Variants in PLGRKT observed in about 807,000 individuals in gnomAD.
PLGRKT encodes plasminogen receptor with a C-terminal lysine, also known as plasminogen receptor (KT).
Under a neutral mutation model 18.5 loss-of-function variants are expected in PLGRKT, and 22 were observed. The ratio of observed to expected loss-of-function variants is 1.19; its 90% CI spans 0.85 to 1.70. PLGRKT has a LOEUF of 1.70. Ranked by LOEUF, PLGRKT falls within the 40% of genes most tolerant of loss-of-function variation. The probability of loss-of-function intolerance (pLI) is 0.00; values close to 1 mark genes in which losing one functional copy is unlikely to be tolerated. For missense variants in PLGRKT, 235 were observed against 174.4 expected, an observed-to-expected ratio of 1.35 and a Z score of -1.96; for synonymous variants, 72 against 52.8, an observed-to-expected ratio of 1.36 and a Z score of -1.58.
intron 2 of PLGRKT, 103 bp from the exon 3 acceptor site, chr9:5,432,086 A>AG (rs1818838840): frequency 1.6e-6 from 1 of 612,214 alleles, no homozygotes; most frequent in East Asian, 2.8e-5. Flanking sequence ...TAAAAAAAAA[A>AG]AGTAAAATTT....
intron 3 of PLGRKT, among the ~76,000 whole-genome samples, chr9:5,385,076 C>T (rs898294617): frequency 3.3e-5 from 5 of 152,056 alleles, no homozygotes; most frequent in African/African-American, 1.2e-4. Flanking sequence ...CATGTGGGAC[C>T]TTCCAGGCCA....
chr9:5,368,086 G>A (rs1247448792), intron 3 of PLGRKT, among the ~76,000 whole-genome samples: 1 of 152,086 alleles, frequency 6.6e-6, no homozygotes, highest in East Asian at 1.9e-4. Flanking sequence ...AGAAATAACA[G>A]ATGCTGGCAA....
intron 3 of PLGRKT, among the ~76,000 whole-genome samples, chr9:5,406,759 TA>T (rs1818265767): frequency 6.6e-6 from 1 of 152,174 alleles, no homozygotes; most frequent in South Asian, 2.1e-4. Context: ...ACTCTGGAAC[TA>T]ATAAAAACCT....
At chr9:5,385,652 T>G (rs1817828800) in intron 3 of PLGRKT, among the ~76,000 whole-genome samples, 2 of 151,680 alleles carry the variant, frequency 1.3e-5, no homozygotes, top group Non-Finnish European at 2.9e-5. Context: ...GGGTCTGCTG[T>G]GTGAAGTCTC....
intron 3 of PLGRKT, among the ~76,000 whole-genome samples, chr9:5,429,604 T>C (rs926800818): frequency 1.3e-5 from 2 of 152,182 alleles, no homozygotes; most frequent in African/African-American, 2.4e-5. Context: ...CAGTATGAAT[T>C]GTATGGTCTT....
chr9:5,387,596 A>C (rs1236666873), intron 3 of PLGRKT, among the ~76,000 whole-genome samples: 1 of 151,838 alleles, frequency 6.6e-6, no homozygotes, highest in Non-Finnish European at 1.5e-5. Flanking sequence ...AAATAGGCAA[A>C]ATTAATTTAT....
intron 1 of PLGRKT, among the ~76,000 whole-genome samples, chr9:5,437,353 C>T (rs538470603): frequency 6.6e-6 from 1 of 152,234 alleles, no homozygotes; most frequent in Non-Finnish European, 1.5e-5. Context: ...GATCGTCTCA[C>T]CACAGTCATT....
chr9:5,399,349 T>C (rs1415007357), intron 3 of PLGRKT, among the ~76,000 whole-genome samples: 1 of 151,958 alleles, frequency 6.6e-6, no homozygotes, highest in Non-Finnish European at 1.5e-5. Flanking sequence ...ATAAAATATA[T>C]GAAGAAAACA....
chr9:5,409,828 T>C (rs1476581385), intron 3 of PLGRKT, among the ~76,000 whole-genome samples: 1 of 152,210 alleles, frequency 6.6e-6, no homozygotes, highest in Non-Finnish European at 1.5e-5. Flanking sequence ...AATTCTCCTA[T>C]TTGGAATGAG....
chr9:5,384,646 A>G (rs1773808332), intron 3 of PLGRKT, among the ~76,000 whole-genome samples: 1 of 152,142 alleles, frequency 6.6e-6, no homozygotes, highest in East Asian at 1.9e-4. Context: ...GAGGTAAGAT[A>G]AAGGAAGAAT....
intron 3 of PLGRKT, among the ~76,000 whole-genome samples, chr9:5,379,656 C>T (rs1201635967): frequency 7.9e-5 from 12 of 152,016 alleles, no homozygotes; most frequent in Admixed American, 7.2e-4. Flanking sequence ...AGAATAAATA[C>T]AAATAAAAAA....
intron 3 of PLGRKT, among the ~76,000 whole-genome samples, chr9:5,405,790 G>A (rs1324971935): frequency 6.6e-6 from 1 of 152,148 alleles, no homozygotes; most frequent in Non-Finnish European, 1.5e-5. Context: ...CTTCTGCACA[G>A]CAAATGAAAC....
At chr9:5,383,657 A>G (rs1397049482) in intron 3 of PLGRKT, among the ~76,000 whole-genome samples, 1 of 152,202 alleles carries the variant, frequency 6.6e-6, no homozygotes, top group East Asian at 1.9e-4. Context: ...ATCAGGCATT[A>G]GATTCTCATA....
chr9:5,380,497 A>G (rs1245414631), intron 3 of PLGRKT, among the ~76,000 whole-genome samples: 1 of 152,068 alleles, frequency 6.6e-6, no homozygotes, highest in Non-Finnish European at 1.5e-5. Context: ...CAATCCTACG[A>G]TTTGGATGTT....
intron 2 of PLGRKT, among the ~76,000 whole-genome samples, chr9:5,432,930 G>T (rs1818859896): frequency 6.6e-6 from 1 of 152,066 alleles, no homozygotes; most frequent in African/African-American, 2.4e-5. Flanking sequence ...CGTCTAGGAA[G>T]TGAGCAGCGT....
chr9:5,388,235 A>G (rs1563775330), intron 3 of PLGRKT, among the ~76,000 whole-genome samples: 2 of 151,878 alleles, frequency 1.3e-5, no homozygotes, highest in Non-Finnish European at 2.9e-5. Context: ...GAGACAGCAC[A>G]GTCAGAGAGA....
intron 3 of PLGRKT, among the ~76,000 whole-genome samples, chr9:5,417,014 C>G (rs1818474873): frequency 2.6e-5 from 4 of 152,222 alleles, no homozygotes; most frequent in Admixed American, 2.6e-4. Context: ...TTAGTAGGCT[C>G]TTTAAACGTT....
chr9:5,378,574 G>A (rs972938280), intron 3 of PLGRKT, among the ~76,000 whole-genome samples: 2 of 152,184 alleles, frequency 1.3e-5, no homozygotes, highest in African/African-American at 4.8e-5. Flanking sequence ...TGGGGTTAGT[G>A]ACTGCAAGGG....
intron 3 of PLGRKT, among the ~76,000 whole-genome samples, chr9:5,363,740 A>G (rs989651776): frequency 2.6e-5 from 4 of 152,210 alleles, no homozygotes; most frequent in African/African-American, 9.6e-5. Flanking sequence ...CCTAGGTCAT[A>G]CCAGGGAAAA....
Sources: allele counts gnomAD v4.1 joint callset (sites outside exome capture counted in the v4.1 genomes callset), GRCh38; gene constraint gnomAD v4.1.1; transcripts MANE v1.5; gene names NCBI Gene and HGNC (gene_info 2026-07-23, HGNC 2026-07-21).